The following PTPRB variants were observed in gnomAD, a reference collection of about 807,000 sequenced individuals.
PTPRB encodes the protein receptor-type tyrosine-protein phosphatase beta.
Under a neutral mutation model 238.1 loss-of-function variants are expected in PTPRB, and 97 were observed. The ratio of observed to expected loss-of-function variants is 0.41; its 90% CI spans 0.35 to 0.48. PTPRB has a LOEUF of 0.48. Ranked by LOEUF, PTPRB falls within the 20% of genes least tolerant of loss-of-function variation. The probability of loss-of-function intolerance (pLI) is 0.30; values close to 1 mark genes in which losing one functional copy is unlikely to be tolerated. For missense variants in PTPRB, 2,292 were observed against 2,681.9 expected (o/e 0.85, Z 3.21); for synonymous variants, 970 against 995.4 (o/e 0.97, Z 0.48).
chr12:70,622,908 G>A (rs1033373987), intron 2 of PTPRB, among the ~76,000 whole-genome samples: 8 of 147,772 alleles, frequency 5.4e-5, no homozygotes, highest in South Asian at 2.3e-4. Flanking sequence ...AAAACCCAGC[G>A]CTGTGTAGAA....
chr12:70,571,010 C>T lies in PTPRB; in HGVS notation c.3370+16G>A. On this transcript the variant is annotated intron_variant, in intron 13 of 33. Coordinates refer to ENST00000334414, the MANE Select transcript of PTPRB (RefSeq NM_001109754.4). The stretch of plus-strand genomic sequence containing the variant: ...CACTGCATCTATTCAGGTTCAAGAA[C>T]AGTATTTCACATTACCTGTGAAGCC... The T allele has an allele frequency of 1.9e-6, 3 of 1,612,420 alleles. No individual in the cohort carries two copies. The highest frequency in any genetic ancestry group is 2.5e-6 in the Non-Finnish European group (3 of 1,178,794).
rs747481082 is a variant in PTPRB, at chr12:70,581,064, G to A, written c.2550C>T (p.Ser850=). 1.9e-6 allele frequency: 3 copies of A among 1,613,954 alleles called. No homozygotes were observed. The highest frequency in any genetic ancestry group is 1.6e-4 in the Middle Eastern group (1 of 6,062). ...VVTTVSGGIS[S]RQVVVEGRTV... ...TTCTTCCCTCCACAACCACTTGTCG[G>A]GAAGAGATCCCTCCACTCACTGTTG... The change falls in exon 10 of 34, where the codon TCC becomes TCT. Residue 850 remains serine (S), a synonymous_variant. Transcript: ENST00000334414.
At chr12:70,527,695 C>G in intron 32 of PTPRB, 1 of 152,206 alleles carries the variant, frequency 6.6e-6, no homozygotes, top group East Asian at 1.9e-4. Flanking sequence ...TGTTTGGAAA[C>G]TTGTGAAGAC....
At position 70,594,459 on chromosome 12, in the gene PTPRB, G is replaced by A. The variant is rs752110411; in HGVS notation, c.1516+8C>T. Reference sequence around the variant, plus strand: ...TTATTCTTCTTCAGCTAGCTAGGGGGAACTTACCTGTCCTGACTAGTTTCC... The same window carrying A: ...TTATTCTTCTTCAGCTAGCTAGGGGAAACTTACCTGTCCTGACTAGTTTCC... On this transcript the variant is annotated splice_region_variant and intron_variant, in intron 6 of 33. Transcript: ENST00000334414. 1.2e-6 allele frequency: 2 copies of A among 1,612,554 alleles called. No homozygotes were observed. Among genetic ancestry groups the A allele is most frequent in the Non-Finnish European group, 1.7e-6 (2 of 1,178,830 alleles).
chr12:70,576,355 G>A (rs968340765), intron 11 of PTPRB, 27 bp downstream of exon 11: 2 of 1,605,424 alleles, frequency 1.2e-6, no homozygotes, highest in African/African-American at 1.3e-5. Context: ...GGTTCTTACG[G>A]AGCCCTGAAC....
rs548433238 is a variant in PTPRB, at chr12:70,576,263, C to T, written c.2842+119G>A. 3.0e-5 allele frequency: 33 copies of T among 1,115,410 alleles called. No individual in the cohort carries two copies. In the African/African-American group the frequency reaches 4.6e-4, roughly 15 times the overall value. The allele number at this position is 1,115,410 out of a possible 1,614,324, so 69.1% of individuals were successfully genotyped here. On this transcript the variant is annotated intron_variant, in intron 11 of 33. Coordinates refer to ENST00000334414, the MANE Select transcript of PTPRB (RefSeq NM_001109754.4). ...GGGTTAAAATACGAAGACTTCATAA[C>T]AGTTTTGTGATCTCAAGGGCCTTTC...
chr12:70,569,849 C>T lies in PTPRB; in HGVS notation c.3460G>A (p.Asp1154Asn). 1 of 1,614,022 alleles carries T rather than the reference C, an allele frequency of 6.2e-7. No homozygotes were observed. Among genetic ancestry groups the T allele is most frequent in the Non-Finnish European group, 8.5e-7 (1 of 1,179,894 alleles). Reference protein sequence around the residue: ...VNWTPGGGDVDSYTVSAFRHS... With the variant: ...VNWTPGGGDVNSYTVSAFRHS... ...CTGAATGCCGACACCGTGTAGGAAT[C>T]AACGTCTCCCCCACCAGGAGTCCAG... The change falls in exon 14 of 34, where the codon GAT (aspartate) becomes AAT (asparagine). Residue 1154 changes from aspartate to asparagine, a missense_variant. Asp to Asn is a conservative substitution (Grantham distance 23). Around this residue, in one of 4 missense-constraint regions of PTPRB, gnomAD observed 683 missense variants for 862.0 expected, o/e 0.79. Coordinates refer to ENST00000334414, the MANE Select transcript of PTPRB (RefSeq NM_001109754.4).
intron 4 of PTPRB, among the ~76,000 whole-genome samples, chr12:70,605,042 G>A (rs191481315): frequency 5.1e-4 from 77 of 152,174 alleles, no homozygotes; most frequent in Admixed American, 2.6e-3. Context: ...AACAATTAAC[G>A]TTCCTAAAAT....
At position 70,609,861 on chromosome 12, in the gene PTPRB, G is replaced by A. The variant is rs1051127665; in HGVS notation, c.709-522C>T. 13 of 1,542,752 alleles carry A rather than the reference G, an allele frequency of 8.4e-6. No individual in the cohort carries two copies. The East Asian group carries it at 2.0e-4, about 24-fold the overall frequency. ...AGAGGAGACCGAGGGGGCTGGACGT[G>A]GGACGGCCCGAGGGCCGGGGCAGGG... On this transcript the variant is annotated intron_variant, in intron 3 of 33. Coordinates refer to ENST00000334414, the MANE Select transcript of PTPRB (RefSeq NM_001109754.4).
rs568926834 is a variant in PTPRB, at chr12:70,574,972, C to G, written c.2842+1410G>C. 1.4e-4 allele frequency among the ~76,000 whole-genome samples: 21 copies of G among 152,276 alleles called. 1 individual carries two copies. The South Asian group carries it at 3.1e-3, about 23-fold the overall frequency. On this transcript the variant is annotated intron_variant, in intron 11 of 33. Transcript: ENST00000334414. Reference sequence around the variant, plus strand: ...AGGGGTTGGTAGTTAGGTAACACATCCTTTAATTTCTGGTGATTTTTAGGC... The same window carrying G: ...AGGGGTTGGTAGTTAGGTAACACATGCTTTAATTTCTGGTGATTTTTAGGC...
At chr12:70,627,107 C>T (rs538547328) in intron 2 of PTPRB, among the ~76,000 whole-genome samples, 5 of 152,190 alleles carry the variant, frequency 3.3e-5, no homozygotes, top group East Asian at 3.9e-4. Context: ...TATTACTCAA[C>T]GATTCTACTA....
At chr12:70,541,009 G>T in intron 22 of PTPRB, 52 bp from the exon 23 acceptor site, 2 of 1,417,972 alleles carry the variant, frequency 1.4e-6, no homozygotes, top group East Asian at 2.4e-5. Flanking sequence ...ATTAGTGCTA[G>T]GGAACCAGTA....
chr12:70,538,924 A>C lies in PTPRB; in HGVS notation c.5869T>G (p.Tyr1957Asp). ...TTACAAATTTTGACACAAAACTTAC[A>C]GGGCAATATATTGTTGTATCGATTT... ...GKNRYNNILP[Y>D]DATRVKLSNV... The change falls in exon 27 of 34, where the codon TAT (tyrosine) becomes GAT (aspartate). Residue 1957 changes from tyrosine (Y) to aspartate (D), a missense_variant and splice_region_variant. Physicochemically the swap from Tyr to Asp is radical, Grantham distance 160. Coordinates refer to ENST00000334414, the MANE Select transcript of PTPRB (RefSeq NM_001109754.4). 6.2e-7 allele frequency: 1 copy of C among 1,610,406 alleles called. No homozygotes were observed. The highest frequency in any genetic ancestry group is 8.5e-7 in the Non-Finnish European group (1 of 1,177,538).
intron 10 of PTPRB, among the ~76,000 whole-genome samples, chr12:70,580,693 C>A (rs1289685418): frequency 6.6e-6 from 1 of 152,114 alleles, no homozygotes; most frequent in South Asian, 2.1e-4. Context: ...GTGGCACACG[C>A]CTGTAATCCC....
At chr12:70,635,003 A>C (rs1386410531) in intron 2 of PTPRB, among the ~76,000 whole-genome samples, 1 of 152,198 alleles carries the variant, frequency 6.6e-6, no homozygotes, top group Non-Finnish European at 1.5e-5. Flanking sequence ...TCAGGACTGA[A>C]CTGTGTCCTG....
chr12:70,618,736 C>G (rs111427068), intron 3 of PTPRB, among the ~76,000 whole-genome samples: 161 of 152,330 alleles, frequency 1.1e-3, no homozygotes, highest in African/African-American at 3.8e-3. Flanking sequence ...TGTGAAGACA[C>G]GCAATCCACA....
intron 11 of PTPRB, among the ~76,000 whole-genome samples, chr12:70,573,178 T>C (rs1488289002): frequency 2.0e-5 from 3 of 152,220 alleles, no homozygotes; most frequent in Non-Finnish European, 2.9e-5. Context: ...TATTAAATAC[T>C]ACATTAAAAA....
chr12:70,614,655 C>T (rs1386265116), intron 3 of PTPRB, among the ~76,000 whole-genome samples: 2 of 151,972 alleles, frequency 1.3e-5, no homozygotes, highest in African/African-American at 4.8e-5. Flanking sequence ...AGTTTGATAC[C>T]TTTCCTCCTA....
In PTPRB at chr12:70,534,585, C is replaced by T. The variant is rs1873800166; in HGVS notation, c.6271G>A (p.Val2091Ile). 6.2e-7 allele frequency: 1 copy of T among 1,613,050 alleles called. No individual in the cohort carries two copies. Among genetic ancestry groups the T allele is most frequent in the Admixed American group, 1.7e-5 (1 of 59,944 alleles). The change falls in exon 31 of 34, where the codon GTC becomes ATC. Residue 2091 changes from valine to isoleucine, a missense_variant. Val to Ile is a conservative substitution (Grantham distance 29, BLOSUM62 3). Coordinates refer to ENST00000334414, the MANE Select transcript of PTPRB (RefSeq NM_001109754.4). ...ATCAGAGACTGGGTGGTTTCTGGGA[C>T]TCCATGGTCTGGCCACACCGTATAG... Reference protein sequence around the residue: ...FHYTVWPDHGVPETTQSLIQF... With the variant: ...FHYTVWPDHGIPETTQSLIQF...
Sources: gnomAD v4.1 joint callset for allele counts (sites outside exome capture counted in the v4.1 genomes callset) on GRCh38, gnomAD v4.1.1 for gene constraint, gnomAD v4.1.1 regional missense constraint, MANE v1.5 for transcripts, NCBI Gene and HGNC (gene_info 2026-07-23, HGNC 2026-07-21) for gene names.